Variants in RIF1 observed in about 807,000 individuals in gnomAD.
RIF1 encodes the protein telomere-associated protein RIF1.
A neutral mutation model predicts 247.1 loss-of-function variants in RIF1; 45 were observed. The ratio of observed to expected loss-of-function variants is 0.18; its 90% CI spans 0.14 to 0.23. The LOEUF (loss-of-function observed/expected upper bound fraction) is 0.23, where lower values mean the gene tolerates loss of function less well. RIF1 is among the 10% of genes least tolerant of loss of function. The probability of loss-of-function intolerance (pLI) is 1.00; values close to 1 mark genes in which losing one functional copy is unlikely to be tolerated. For missense variants in RIF1, 2,967 were observed against 2,862.5 expected (o/e 1.04, Z -0.83); for synonymous variants, 1,087 against 978.8 (o/e 1.11, Z -2.06).
Position 151,457,234 on chromosome 2 carries a change from C to T in RIF1, c.2653-527C>T, listed in dbSNP as rs150195694. Among the ~76,000 whole-genome samples the T allele has an allele frequency of 2.3e-3, 355 of 152,278 alleles. 9 individuals are homozygous for T. In the East Asian group the frequency reaches 0.046, roughly 20 times the overall value. On this transcript the variant is annotated intron_variant, in intron 23 of 35. Transcript: ENST00000444746. ...CCTCCTGGGCTCAAGGTGATTCTCC[C>T]ACCATAGCCTCCCAAGTAGCTAGGA...
At chr2:151,420,837 G>A (rs1688049193) in intron 7 of RIF1, among the ~76,000 whole-genome samples, 1 of 151,942 alleles carries the variant, frequency 6.6e-6, no homozygotes. Flanking sequence ...GCATAAGTTA[G>A]CAAAGGCACA....
chr2:151,437,196 T>G, intron 12 of RIF1, 45 bp from the exon 13 acceptor site: 2 of 1,456,746 alleles, frequency 1.4e-6, no homozygotes, highest in Non-Finnish European at 1.9e-6. Context: ...ATGTATTTCA[T>G]AAATCTGTTG....
At chr2:151,422,151 AT>A (rs1688297760) in intron 7 of RIF1, among the ~76,000 whole-genome samples, 1 of 152,102 alleles carries the variant, frequency 6.6e-6, no homozygotes, top group Non-Finnish European at 1.5e-5. Context: ...TCTTTAACCC[AT>A]TTATCAAGCT....
At chr2:151,513,556 T>G in the RIF1 span, 13 of 1,522,050 alleles carry the variant, frequency 8.5e-6, no homozygotes, top group Non-Finnish European at 1.2e-5. Flanking sequence ...TCCTGAAAGA[T>G]TGACATCGAA....
rs2049115257 is a variant in RIF1, at chr2:151,480,327, TG to T, written c.*5259del. On this transcript the variant is annotated 3_prime_UTR_variant, in exon 36 of 36. Transcript: ENST00000444746. The stretch of plus-strand genomic sequence containing the variant: ...TAATTGTAGATAAAGCTGAATTTAC[TG>T]GGCAGCAAGCTTATATGCTGATAGA... 1 of 152,180 alleles carries T rather than the reference TG, an allele frequency of 6.6e-6. No individual in the cohort carries two copies. The highest frequency in any genetic ancestry group is 6.5e-5 in the Admixed American group (1 of 15,274). 9.4% of individuals were successfully genotyped at this position (152,180 alleles called of 1,614,324 possible). A position where few individuals can be genotyped will look rare whatever the true frequency, so the allele number is the denominator to read the frequency against.
chr2:151,430,776 C>A (rs1402183622), intron 9 of RIF1, among the ~76,000 whole-genome samples: 3 of 151,962 alleles, frequency 2.0e-5, no homozygotes, highest in Non-Finnish European at 4.4e-5. Context: ...CCTCAGCCCC[C>A]CCAAGTAGCT....
In RIF1 at chr2:151,414,924, A is replaced by T. The variant is rs371366495; in HGVS notation, c.280+5A>T. The T allele has an allele frequency of 6.5e-7, 1 of 1,548,852 alleles. No individual in the cohort carries two copies. The highest frequency in any genetic ancestry group is 1.1e-5 in the South Asian group (1 of 88,564). Reference sequence around the variant, plus strand: ...AAATTACCTCAGAATTATCAGGTAGATAAATTTCTTATGACTTAATATTTT... The same window carrying T: ...AAATTACCTCAGAATTATCAGGTAGTTAAATTTCTTATGACTTAATATTTT... On this transcript the variant is annotated splice_donor_5th_base_variant and intron_variant, in intron 4 of 35. Coordinates refer to ENST00000444746, the MANE Select transcript of RIF1 (RefSeq NM_018151.5).
In RIF1 at chr2:151,468,735, C is replaced by T. The variant is rs1697341235; in HGVS notation, c.6920C>T (p.Pro2307Leu). 6.2e-7 allele frequency: 1 copy of T among 1,612,420 alleles called. No homozygotes were observed. Among genetic ancestry groups the T allele is most frequent in the Non-Finnish European group, 8.5e-7 (1 of 1,178,602 alleles). ...NCVAPVDIIL[P>L]QITSNMWARG... is the part of the protein sequence containing the mutation. ...GTGGCACCAGTTGACATCATTTTAC[C>T]TCAGATTACATCAAACATGTGGTAA... is the stretch of plus-strand genomic sequence containing the variant. The change falls in exon 33 of 36, where the codon CCT (proline) becomes CTT (leucine). Residue 2307 changes from proline (P) to leucine (L), a missense_variant. Pro to Leu is a moderately conservative substitution (Grantham distance 98). Around this residue, in one of 7 missense-constraint regions of RIF1, gnomAD observed 2,028 missense variants for 1,825.6 expected, o/e 1.11. Transcript: ENST00000444746.
intron 9 of RIF1, chr2:151,490,650 C>T: frequency 9.2e-7 from 1 of 1,087,648 alleles, no homozygotes; most frequent in South Asian, 1.5e-5. Flanking sequence ...ATGGGTCAAA[C>T]CCTCACAGTT....
At chr2:151,451,213 CTG>C (rs1467877190) in intron 20 of RIF1, among the ~76,000 whole-genome samples, 1 of 152,192 alleles carries the variant, frequency 6.6e-6, no homozygotes, top group Non-Finnish European at 1.5e-5. Flanking sequence ...GGTATTTTTA[CTG>C]TGTCTTTTCG....
At chr2:151,526,099 C>T in the RIF1 span, 1 of 1,611,910 alleles carries the variant, frequency 6.2e-7, no homozygotes, top group African/African-American at 1.3e-5. Flanking sequence ...CTCATTAAGG[C>T]ATCTGCCTGG....
chr2:151,451,327 C>G (rs1250721430), intron 20 of RIF1, among the ~76,000 whole-genome samples: 1 of 152,120 alleles, frequency 6.6e-6, no homozygotes, highest in Admixed American at 6.5e-5. Context: ...GTGTTTGTAG[C>G]TTAGGAACAA....
chr2:151,456,976 C>T lies in RIF1; in HGVS notation c.2652+356C>T, dbSNP rs575003387. Among the ~76,000 whole-genome samples the T allele has an allele frequency of 1.8e-3, 268 of 152,252 alleles. 2 individuals carry two copies. The highest frequency in any genetic ancestry group is 6.2e-3 in the African/African-American group (256 of 41,552). ...CTCGAACTCCTGACCTCAAGTGATT[C>T]GCCTGCCTCGGCTTCCCGAAGTGCT... On this transcript the variant is annotated intron_variant, in intron 23 of 35. Transcript: ENST00000444746.
intron 20 of RIF1, among the ~76,000 whole-genome samples, chr2:151,446,870 C>A (rs1012997163): frequency 5.3e-5 from 8 of 151,894 alleles, no homozygotes; most frequent in African/African-American, 1.9e-4. Flanking sequence ...CTTTCTCATA[C>A]GTATCTGTTA....
chr2:151,524,394 G>A, the RIF1 span: 48 of 1,613,804 alleles, frequency 3.0e-5, 1 homozygote, highest in South Asian at 2.0e-4. Context: ...CCTTCCTTGC[G>A]GTGCTTGGCT....
At chr2:151,497,437 T>A in intron 10 of RIF1, 1 of 980,298 alleles carries the variant, frequency 1.0e-6, no homozygotes, top group Non-Finnish European at 1.2e-6. Flanking sequence ...AAATTGAAAT[T>A]AACTGTATTA....
chr2:151,454,781 G>A (rs190892187), intron 21 of RIF1, 114 bp from the exon 22 acceptor site: 4 of 696,804 alleles, frequency 5.7e-6, no homozygotes, highest in Middle Eastern at 4.0e-4. Flanking sequence ...TCAGCAAACG[G>A]ACATGTATTT....
rs761907999 is a variant in RIF1 at position 151,443,332 on chromosome 2, A to G, written c.1805+3A>G. ...GAATGTGGTGTATCAGATGAAAGGTAAGTTTGTACTTTAACTTGAAACTTT... is the reference window on the plus strand; with the variant it reads ...GAATGTGGTGTATCAGATGAAAGGTGAGTTTGTACTTTAACTTGAAACTTT... On this transcript the variant is annotated splice_donor_region_variant and intron_variant, in intron 17 of 35. Coordinates refer to ENST00000444746, the MANE Select transcript of RIF1 (RefSeq NM_018151.5). The G allele has an allele frequency of 6.4e-7, 1 of 1,557,162 alleles. No individual in the cohort carries two copies. Among genetic ancestry groups the G allele is most frequent in the South Asian group, 1.1e-5 (1 of 87,982 alleles).
intron 7 of RIF1, among the ~76,000 whole-genome samples, chr2:151,422,092 A>G (rs974139408): frequency 6.6e-6 from 1 of 152,100 alleles, no homozygotes; most frequent in Non-Finnish European, 1.5e-5. Flanking sequence ...GGCCTCCCAA[A>G]GTGCTGAGAT....
Sources: allele counts gnomAD v4.1 joint callset (sites outside exome capture counted in the v4.1 genomes callset), GRCh38; gene constraint gnomAD v4.1.1; regional missense constraint gnomAD v4.1.1; transcripts MANE v1.5; gene names NCBI Gene and HGNC (gene_info 2026-07-23, HGNC 2026-07-21).